The following LPP variants were observed in gnomAD, a reference collection of about 807,000 sequenced individuals.
The protein encoded by LPP is lipoma-preferred partner.
In LPP, 38 loss-of-function variants were observed where a neutral mutation model predicts 60.4. The observed-to-expected ratio is 0.63, with a 90% confidence interval of 0.49 to 0.83. The LOEUF is 0.83. LPP is among the 40% of genes least tolerant of loss of function. The pLI, the probability that LPP is intolerant of heterozygous loss-of-function variation, is 0.00. For missense variants in LPP, 902 were observed against 783.6 expected (o/e 1.15, Z -1.80); for synonymous variants, 328 against 290.8 (o/e 1.13, Z -1.30).
At chr3:188,781,616 G>A (rs539775299) in intron 9 of LPP, among the ~76,000 whole-genome samples, 34 of 151,474 alleles carry the variant, frequency 2.2e-4, no homozygotes, top group East Asian at 7.8e-4. Context: ...CGGTGCGGTC[G>A]CTCACACCTG....
At chr3:188,265,440 G>A (rs955320409) in intron 2 of LPP, among the ~76,000 whole-genome samples, 2 of 152,134 alleles carry the variant, frequency 1.3e-5, no homozygotes, top group African/African-American at 4.8e-5. Flanking sequence ...TCTGGGGAAG[G>A]GAGGAAGGGT....
intron 7 of LPP, among the ~76,000 whole-genome samples, chr3:188,705,688 T>C (rs985520734): frequency 1.3e-5 from 2 of 152,026 alleles, no homozygotes; most frequent in African/African-American, 2.4e-5. Flanking sequence ...AGTGGCACGA[T>C]CTTGGCTCAA....
chr3:188,332,890 T>C (rs1760508862), intron 2 of LPP, among the ~76,000 whole-genome samples: 1 of 152,094 alleles, frequency 6.6e-6, no homozygotes, highest in Non-Finnish European at 1.5e-5. Context: ...TGTGTTATCT[T>C]TGGCTCCTCA....
At chr3:188,235,941 AT>A (rs1284737859) in intron 2 of LPP, among the ~76,000 whole-genome samples, 1 of 152,076 alleles carries the variant, frequency 6.6e-6, no homozygotes, top group Non-Finnish European at 1.5e-5. Context: ...GGCATGAATT[AT>A]GTCTTTTTCC....
rs11328247 is a variant in LPP at position 188,881,139 on chromosome 3, C to CAAAAAAAAAAAAAAAAAAAAAAA, written c.*6679_*6680insAAAAAAAAAAAAAAAAAAAAAAA. On this transcript the variant is annotated 3_prime_UTR_variant, in exon 12 of 12. Transcript: ENST00000617246. ...TGGGCGAAAGAGCGAGACTCCGTCT[C>CAAAAAAAAAAAAAAAAAAAAAAA]AAAAAAAAAAAAAAAAAAATAGGAT... is the stretch of plus-strand genomic sequence containing the variant. The CAAAAAAAAAAAAAAAAAAAAAAA allele has an allele frequency of 3.8e-3, 277 of 72,566 alleles. 13 individuals are homozygous for CAAAAAAAAAAAAAAAAAAAAAAA. The highest frequency in any genetic ancestry group is 4.8e-3 in the Non-Finnish European group (158 of 32,658). 4.5% of individuals were successfully genotyped at this position (72,566 alleles called of 1,614,324 possible).
At chr3:188,741,778 TA>T (rs1282310639) in intron 8 of LPP, among the ~76,000 whole-genome samples, 11 of 152,000 alleles carry the variant, frequency 7.2e-5, no homozygotes, top group Non-Finnish European at 1.5e-4. Flanking sequence ...ACCATAAAGT[TA>T]AAAATGATAA....
In LPP at chr3:188,880,749, C is replaced by G. The variant is rs1164285649; in HGVS notation, c.*6270C>G. 1 of 184,004 alleles carries G rather than the reference C, an allele frequency of 5.4e-6. No homozygotes were observed. Among genetic ancestry groups the G allele is most frequent in the East Asian group, 8.8e-5 (1 of 11,368 alleles). The allele number at this position is 184,004 out of a possible 1,614,324, so 11.4% of individuals were successfully genotyped here. On this transcript the variant is annotated 3_prime_UTR_variant, in exon 12 of 12. Transcript: ENST00000617246. ...TGGCACTGAATGTAGCTTCTAAAAT[C>G]AGTTCTCTACCCTACGAATGGAATG...
intron 7 of LPP, among the ~76,000 whole-genome samples, chr3:188,676,432 A>C (rs2149316382): frequency 6.6e-6 from 1 of 152,358 alleles, no homozygotes; most frequent in Admixed American, 6.5e-5. Context: ...TTTGAACTCC[A>C]GAATGGGATT....
chr3:188,811,537 G>A (rs534876250), intron 9 of LPP, among the ~76,000 whole-genome samples: 1 of 152,158 alleles, frequency 6.6e-6, no homozygotes, highest in East Asian at 1.9e-4. Flanking sequence ...CATTATGTTA[G>A]GAAAGAAACC....
chr3:188,230,435 A>T (rs559383948), intron 2 of LPP, among the ~76,000 whole-genome samples: 1 of 152,288 alleles, frequency 6.6e-6, no homozygotes, highest in South Asian at 2.1e-4. Flanking sequence ...TGCTTGGGAA[A>T]TTGAGATAAA....
chr3:188,472,639 T>G (rs767331146), intron 4 of LPP: 1 of 152,154 alleles, frequency 6.6e-6, no homozygotes, highest in East Asian at 1.9e-4. Context: ...CCTGGCCTCA[T>G]GTAGCCATCC....
At position 188,516,865 on chromosome 3, in the gene LPP, A is replaced by G. The variant is rs138659692; in HGVS notation, c.307-7800A>G. Among the ~76,000 whole-genome samples, 290 of 152,158 alleles carry G rather than the reference A, an allele frequency of 1.9e-3. 2 individuals are homozygous for G. Among genetic ancestry groups the G allele is most frequent in the African/African-American group, 6.7e-3 (278 of 41,464 alleles). On this transcript the variant is annotated intron_variant, in intron 5 of 11. Coordinates refer to ENST00000617246, the MANE Select transcript of LPP (RefSeq NM_001375462.1). Reference sequence around the variant, plus strand: ...TAATAAGTCCTCCTGGTGGTTCTGTATAGGCTAATGTTTGAAAAACACTGA... The same window carrying G: ...TAATAAGTCCTCCTGGTGGTTCTGTGTAGGCTAATGTTTGAAAAACACTGA...
At chr3:188,810,528 A>G (rs897017778) in intron 9 of LPP, among the ~76,000 whole-genome samples, 6 of 152,160 alleles carry the variant, frequency 3.9e-5, no homozygotes, top group South Asian at 2.1e-4. Flanking sequence ...GGATATTGCT[A>G]TAATTGTTCT....
chr3:188,628,288 C>A (rs1052427323), intron 7 of LPP, among the ~76,000 whole-genome samples: 1 of 151,518 alleles, frequency 6.6e-6, no homozygotes, highest in East Asian at 1.9e-4. Context: ...GAAAACCATA[C>A]AAAAGATCAC....
chr3:188,655,144 G>T (rs1393648596), intron 7 of LPP, among the ~76,000 whole-genome samples: 1 of 152,072 alleles, frequency 6.6e-6, no homozygotes, highest in South Asian at 2.1e-4. Flanking sequence ...TGCAATACAG[G>T]GCAGGATATT....
intron 1 of LPP, among the ~76,000 whole-genome samples, chr3:188,156,421 T>G (rs1488742944): frequency 2.0e-5 from 3 of 152,152 alleles, no homozygotes; most frequent in Non-Finnish European, 4.4e-5. Flanking sequence ...AGTTTGGATA[T>G]ATCTTAAATT....
intron 4 of LPP, among the ~76,000 whole-genome samples, chr3:188,433,298 T>G (rs1015200933): frequency 2.6e-5 from 4 of 152,056 alleles, no homozygotes; most frequent in Non-Finnish European, 5.9e-5. Flanking sequence ...GAAAAATAAC[T>G]TAGGAAATTT....
intron 3 of LPP, among the ~76,000 whole-genome samples, chr3:188,387,723 C>T (rs1048560396): frequency 5.9e-5 from 9 of 151,858 alleles, no homozygotes; most frequent in African/African-American, 2.2e-4. Context: ...TGCGCCACCA[C>T]ACCCGGCTAA....
intron 9 of LPP, among the ~76,000 whole-genome samples, chr3:188,808,377 G>C (rs1010610636): frequency 2.6e-5 from 4 of 152,120 alleles, no homozygotes; most frequent in Admixed American, 2.0e-4. Context: ...TTCAGTTTTA[G>C]AGAGGCAGTG....
Sources: gnomAD v4.1 joint callset for allele counts (sites outside exome capture counted in the v4.1 genomes callset) on GRCh38, gnomAD v4.1.1 for gene constraint, MANE v1.5 for transcripts, NCBI Gene and HGNC (gene_info 2026-07-23, HGNC 2026-07-21) for gene names.